The following PTPN9 variants were observed in gnomAD, a reference collection of about 807,000 sequenced individuals.
The protein encoded by PTPN9 is tyrosine-protein phosphatase non-receptor type 9.
In PTPN9, 26 loss-of-function variants were observed where a neutral mutation model predicts 69.8. That is an observed-to-expected ratio of 0.37 (90% CI 0.27 to 0.52). The LOEUF is 0.52. Among genes scored for constraint, PTPN9 ranks in the 20% least tolerant of loss-of-function variants. The pLI is 0.91. For missense variants in PTPN9, 549 were observed against 740.3 expected (o/e 0.74, Z 3.00); for synonymous variants, 274 against 272.5 (o/e 1.01, Z -0.05).
At chr15:75,559,020 C>T (rs562281762) in intron 1 of PTPN9, among the ~76,000 whole-genome samples, 47 of 151,922 alleles carry the variant, frequency 3.1e-4, no homozygotes, top group African/African-American at 1.0e-3. Flanking sequence ...CCCCTCTGCC[C>T]GGCTGCCAGG....
At position 75,468,609 on chromosome 15, in the gene PTPN9, A is replaced by G; in HGVS notation, c.*160T>C. On this transcript the variant is annotated 3_prime_UTR_variant, in exon 13 of 13. Transcript: ENST00000618819. ...AGTGGCAATTTCACCACATTTATCT[A>G]GCCAAAGGGAAAGGCTGCCTTGCGT... The G allele has an allele frequency of 1.6e-6, 1 of 615,574 alleles. No homozygotes were observed. Among genetic ancestry groups the G allele is most frequent in the Non-Finnish European group, 2.9e-6 (1 of 346,568 alleles). 38.1% of individuals were successfully genotyped at this position (615,574 alleles called of 1,614,324 possible). A position where few individuals can be genotyped will look rare whatever the true frequency, so the allele number is the denominator to read the frequency against.
At position 75,464,821 on chromosome 15, in the gene PTPN9, T is replaced by G. The variant is rs2074530402; in HGVS notation, c.*3948A>C. 6.6e-6 allele frequency: 1 copy of G among 152,184 alleles called. No homozygotes were observed. Among genetic ancestry groups the G allele is most frequent in the South Asian group, 2.1e-4 (1 of 4,832 alleles). 9.4% of individuals were successfully genotyped at this position (152,184 alleles called of 1,614,324 possible). A position where few individuals can be genotyped will look rare whatever the true frequency, so the allele number is the denominator to read the frequency against. ...CCATTCTCCCAAGAACAAGTCCTAC[T>G]CTGTCATTTACCTGCATACTGTCAC... On this transcript the variant is annotated 3_prime_UTR_variant, in exon 13 of 13. Coordinates refer to ENST00000618819, the MANE Select transcript of PTPN9 (RefSeq NM_002833.4).
chr15:75,564,783 CCTCT>C (rs1284553385), intron 1 of PTPN9, among the ~76,000 whole-genome samples: 1 of 151,410 alleles, frequency 6.6e-6, no homozygotes, highest in African/African-American at 2.4e-5. Context: ...ACAACAAGAC[CCTCT>C]CTCTATTAAA....
chr15:75,560,105 A>C (rs1420504514), intron 1 of PTPN9, among the ~76,000 whole-genome samples: 1 of 150,252 alleles, frequency 6.7e-6, no homozygotes. Context: ...GTGCCACTGC[A>C]CTCCAGCCTG....
chr15:75,549,274 C>T (rs554316866), intron 1 of PTPN9, among the ~76,000 whole-genome samples: 62 of 152,206 alleles, frequency 4.1e-4, no homozygotes, highest in Admixed American at 5.2e-4. Context: ...GGACATGGCT[C>T]ACTGCAGTCT....
At chr15:75,542,596 C>T (rs1298673265) in intron 1 of PTPN9, among the ~76,000 whole-genome samples, 1 of 152,206 alleles carries the variant, frequency 6.6e-6, no homozygotes, top group South Asian at 2.1e-4. Context: ...CTGTTAAACA[C>T]GAAAAGCTCC....
At chr15:75,486,281 T>C (rs1263173470) in intron 8 of PTPN9, among the ~76,000 whole-genome samples, 1 of 152,104 alleles carries the variant, frequency 6.6e-6, no homozygotes, top group East Asian at 1.9e-4. Context: ...CTCAATGTAA[T>C]GGTATTAGGA....
intron 8 of PTPN9, among the ~76,000 whole-genome samples, chr15:75,481,806 C>T (rs1856959804): frequency 7.7e-6 from 1 of 130,598 alleles, no homozygotes; most frequent in African/African-American, 2.9e-5. Context: ...TCTGCCCGGC[C>T]AGCCGCCCCG....
intron 8 of PTPN9, among the ~76,000 whole-genome samples, chr15:75,484,861 C>T (rs961869275): frequency 3.9e-5 from 6 of 152,208 alleles, no homozygotes; most frequent in Non-Finnish European, 8.8e-5. Context: ...CATAGCTAAC[C>T]TCCTAAGATA....
At chr15:75,473,798 ACT>A in intron 9 of PTPN9, 31 bp from the exon 10 acceptor site, 3 of 1,496,526 alleles carry the variant, frequency 2.0e-6, no homozygotes, top group Non-Finnish European at 2.8e-6. Context: ...AAGAAACATG[ACT>A]CTGGGAAACA....
chr15:75,574,588 T>G (rs2075162982), intron 1 of PTPN9, among the ~76,000 whole-genome samples: 1 of 152,150 alleles, frequency 6.6e-6, no homozygotes, highest in African/African-American at 2.4e-5. Flanking sequence ...ACTTCTGGGT[T>G]TCTGATTCAT....
intron 8 of PTPN9, chr15:75,487,555 G>C (rs2074686029): frequency 1.3e-5 from 2 of 152,148 alleles, no homozygotes; most frequent in Admixed American, 6.6e-5. Context: ...CACTGTTCTA[G>C]GTACTGGAGA....
intron 5 of PTPN9, among the ~76,000 whole-genome samples, chr15:75,509,900 C>G (rs1211118253): frequency 6.6e-6 from 1 of 152,200 alleles, no homozygotes; most frequent in Non-Finnish European, 1.5e-5. Flanking sequence ...AGGAGAATCG[C>G]TTGAACCCAG....
intron 6 of PTPN9, among the ~76,000 whole-genome samples, chr15:75,506,261 T>C (rs1310864426): frequency 3.9e-5 from 6 of 152,204 alleles, no homozygotes; most frequent in Admixed American, 3.9e-4. Context: ...ATACATCTTC[T>C]GAAAGGACGA....
chr15:75,503,583 G>A (rs1364441748), intron 7 of PTPN9, among the ~76,000 whole-genome samples: 15 of 140,618 alleles, frequency 1.1e-4, no homozygotes, highest in East Asian at 2.2e-4. Context: ...CGCTCCGTCC[G>A]GGAGGGAGGT....
At chr15:75,537,022 G>A (rs1567510503) in intron 1 of PTPN9, among the ~76,000 whole-genome samples, 1 of 152,100 alleles carries the variant, frequency 6.6e-6, no homozygotes, top group African/African-American at 2.4e-5. Context: ...AGAAGATGAA[G>A]AACAAAGGAA....
At chr15:75,471,354 A>G (rs1274307530) in intron 10 of PTPN9, among the ~76,000 whole-genome samples, 1 of 152,174 alleles carries the variant, frequency 6.6e-6, no homozygotes, top group Non-Finnish European at 1.5e-5. Flanking sequence ...ATAAACTGAT[A>G]AACACACATC....
intron 1 of PTPN9, among the ~76,000 whole-genome samples, chr15:75,563,590 C>T (rs892574044): frequency 6.6e-6 from 1 of 152,100 alleles, no homozygotes; most frequent in Non-Finnish European, 1.5e-5. Context: ...CGGTAGTATT[C>T]CATGGTTGGT....
At chr15:75,545,822 G>A (rs1595966743) in intron 1 of PTPN9, among the ~76,000 whole-genome samples, 1 of 152,122 alleles carries the variant, frequency 6.6e-6, no homozygotes, top group Admixed American at 6.6e-5. Context: ...GGTGGCGCAC[G>A]CCTGTAGTCC....
Sources: allele counts gnomAD v4.1 joint callset (sites outside exome capture counted in the v4.1 genomes callset), GRCh38; gene constraint gnomAD v4.1.1; transcripts MANE v1.5; gene names NCBI Gene and HGNC (gene_info 2026-07-23, HGNC 2026-07-21).